KLF9: variants seen among roughly 807,000 people sequenced by gnomAD.
The protein encoded by KLF9 is Krueppel-like factor 9.
Under a neutral mutation model 17.3 loss-of-function variants are expected in KLF9, and 2 were observed. That is an observed-to-expected ratio of 0.12 (90% CI 0.05 to 0.36). The LOEUF (loss-of-function observed/expected upper bound fraction) is 0.36. KLF9 is among the 10% of genes least tolerant of loss of function. The probability of loss-of-function intolerance (pLI) is 1.00; values close to 1 mark genes in which losing one functional copy is unlikely to be tolerated. For missense variants in KLF9, 226 were observed against 333.2 expected, an observed-to-expected ratio of 0.68 and a Z score of 2.51; for synonymous variants, 138 against 139.2, an observed-to-expected ratio of 0.99 and a Z score of 0.06.
At position 70,412,928 on chromosome 9, in the gene KLF9, G is replaced by A. The variant is rs769096630; in HGVS notation, c.436C>T (p.Pro146Ser). ...TAGACTTTCCCACAGCCACTGTAGG[G>A]GCACTTGTGCCTCTTTTCGGAGGCG... is the stretch of plus-strand genomic sequence containing the variant. ...KHASEKRHKC[P>S]YSGCGKVYGK... The change falls in exon 1 of 2, where the codon CCC becomes TCC. Residue 146 changes from proline to serine, a missense_variant. By Grantham distance (74) the Pro-to-Ser change is moderately conservative (BLOSUM62 -1). Transcript: ENST00000377126. 3 of 1,613,970 alleles carry A rather than the reference G, an allele frequency of 1.9e-6. No homozygotes were observed. Among genetic ancestry groups the A allele is most frequent in the Non-Finnish European group, 2.5e-6 (3 of 1,179,934 alleles).
intron 1 of KLF9, among the ~76,000 whole-genome samples, chr9:70,409,939 C>T (rs2118929304): frequency 6.6e-6 from 1 of 152,320 alleles, no homozygotes; most frequent in Admixed American, 6.5e-5. Context: ...ACACAAACCA[C>T]AGGACCCAGC....
intron 1 of KLF9, among the ~76,000 whole-genome samples, chr9:70,395,684 C>G (rs975947146): frequency 1.3e-5 from 2 of 152,144 alleles, no homozygotes; most frequent in Non-Finnish European, 2.9e-5. Flanking sequence ...TGGTTCATGC[C>G]TGTAATCTCA....
intron 1 of KLF9, 56 bp downstream of exon 1, chr9:70,412,803 C>T: frequency 6.6e-7 from 1 of 1,510,386 alleles, no homozygotes; most frequent in South Asian, 1.3e-5. Context: ...AGGAACGCTG[C>T]CTGGCCAAAG....
intron 1 of KLF9, 66 bp downstream of exon 1, chr9:70,412,793 A>G: frequency 6.7e-7 from 1 of 1,486,020 alleles, no homozygotes; most frequent in East Asian, 2.3e-5. Flanking sequence ...CCGAACGCCC[A>G]GGAACGCTGC....
At chr9:70,394,658 C>A (rs2037172125) in intron 1 of KLF9, among the ~76,000 whole-genome samples, 1 of 135,882 alleles carries the variant, frequency 7.4e-6, no homozygotes, top group Admixed American at 7.5e-5. Flanking sequence ...GTTGACACAA[C>A]TTTCTCTTTG....
intron 1 of KLF9, among the ~76,000 whole-genome samples, chr9:70,409,111 T>TAC (rs1564089270): frequency 1.0e-5 from 1 of 96,834 alleles, no homozygotes; most frequent in African/African-American, 3.2e-5. Flanking sequence ...TGTGTATATA[T>TAC]ATACATATAT....
rs1205690074 is a variant in KLF9 at position 70,409,148 on chromosome 9, ATG to A, written c.505+3709_505+3710del. On this transcript the variant is annotated intron_variant, in intron 1 of 1. Transcript: ENST00000377126. ...TATATATGTATACATATATATGTATATGTATATATATACACATATATGTATAT... is the reference window on the plus strand; with the variant it reads ...TATATATGTATACATATATATGTATATATATATATACACATATATGTATAT... Among the ~76,000 whole-genome samples, 104 of 61,234 alleles carry A rather than the reference ATG, an allele frequency of 1.7e-3. 4 individuals carry two copies. Among genetic ancestry groups the A allele is most frequent in the African/African-American group, 3.8e-3 (98 of 25,484 alleles). The allele number at this position is 61,234 out of a possible 152,430, so 40.2% of individuals were successfully genotyped here. A position where few individuals can be genotyped will look rare whatever the true frequency, so the allele number is the denominator to read the frequency against.
rs2037122378 is a variant in KLF9 at position 70,387,562 on chromosome 9, A to G, written c.*214T>C. ...GACGGGTTCAGAGAGTTGCCTCTTC[A>G]AGGGGACCGAGTGTTGTTGACTTTG... On this transcript the variant is annotated 3_prime_UTR_variant, in exon 2 of 2. Coordinates refer to ENST00000377126, the MANE Select transcript of KLF9 (RefSeq NM_001206.4). 2 of 566,260 alleles carry G rather than the reference A, an allele frequency of 3.5e-6. No homozygotes were observed. Among genetic ancestry groups the G allele is most frequent in the East Asian group, 3.0e-5 (1 of 33,888 alleles). 35.1% of individuals were successfully genotyped at this position (566,260 alleles called of 1,614,324 possible).
At chr9:70,407,481 AAAC>A (rs1305229517) in intron 1 of KLF9, among the ~76,000 whole-genome samples, 2 of 152,234 alleles carry the variant, frequency 1.3e-5, no homozygotes, top group Non-Finnish European at 2.9e-5. Flanking sequence ...AAATCAAGGG[AAAC>A]AGTGTGCGTA....
intron 1 of KLF9, among the ~76,000 whole-genome samples, chr9:70,392,616 A>G (rs973938629): frequency 3.3e-5 from 5 of 152,222 alleles, no homozygotes; most frequent in African/African-American, 1.2e-4. Context: ...TGGGGAAGTC[A>G]CATGTAGACG....
chr9:70,401,216 T>C (rs2037218965), intron 1 of KLF9, among the ~76,000 whole-genome samples: 1 of 148,502 alleles, frequency 6.7e-6, no homozygotes, highest in Non-Finnish European at 1.5e-5. Context: ...GGCATGGTGG[T>C]GCGTGCCTGT....
At chr9:70,400,320 A>G (rs1267111015) in intron 1 of KLF9, among the ~76,000 whole-genome samples, 3 of 152,192 alleles carry the variant, frequency 2.0e-5, no homozygotes, top group Non-Finnish European at 4.4e-5. Context: ...GGACACAGGC[A>G]AGTGCATGAC....
intron 1 of KLF9, among the ~76,000 whole-genome samples, chr9:70,404,923 A>C (rs1051244029): frequency 2.6e-5 from 4 of 152,184 alleles, no homozygotes; most frequent in African/African-American, 7.2e-5. Flanking sequence ...AGAAGGACCC[A>C]AAAGCCTGTG....
At position 70,384,829 on chromosome 9, in the gene KLF9, T is replaced by C. The variant is rs112176515; in HGVS notation, c.*2947A>G. Reference sequence around the variant, plus strand: ...GAAAGAACATCTCAATCTATCCGAGTGATGAGTACTGTGCTAAATCTATCT... The same window carrying C: ...GAAAGAACATCTCAATCTATCCGAGCGATGAGTACTGTGCTAAATCTATCT... On this transcript the variant is annotated 3_prime_UTR_variant, in exon 2 of 2. Coordinates refer to ENST00000377126, the MANE Select transcript of KLF9 (RefSeq NM_001206.4). The C allele has an allele frequency of 1.3e-5, 2 of 152,708 alleles. No homozygotes were observed. The highest frequency in any genetic ancestry group is 2.9e-5 in the Non-Finnish European group (2 of 68,014). The allele number at this position is 152,708 out of a possible 1,614,324, so 9.5% of individuals were successfully genotyped here.
At chr9:70,411,823 T>C (rs941390348) in intron 1 of KLF9, among the ~76,000 whole-genome samples, 1 of 152,144 alleles carries the variant, frequency 6.6e-6, no homozygotes, top group Non-Finnish European at 1.5e-5. Context: ...AAGGCTTATC[T>C]GAGAGGACCA....
intron 1 of KLF9, among the ~76,000 whole-genome samples, chr9:70,397,909 A>T (rs544203903): frequency 6.6e-6 from 1 of 152,252 alleles, no homozygotes; most frequent in African/African-American, 2.4e-5. Context: ...CATTACCCTC[A>T]TGTGCAGAAC....
rs2037113056 is a variant in KLF9, at chr9:70,386,755, T to TGGA, written c.*1020_*1021insTCC. On this transcript the variant is annotated 3_prime_UTR_variant, in exon 2 of 2. Coordinates refer to ENST00000377126, the MANE Select transcript of KLF9 (RefSeq NM_001206.4). ...GCATAGGAAAATTTGGAAAAGTTAATAGAGTTAAAATTCTGTTGGTTCTTT... is the reference window on the plus strand; with the variant it reads ...GCATAGGAAAATTTGGAAAAGTTAATGGAAGAGTTAAAATTCTGTTGGTTCTTT... 1 of 152,358 alleles carries TGGA rather than the reference T, an allele frequency of 6.6e-6. No individual in the cohort carries two copies. The highest frequency in any genetic ancestry group is 1.5e-5 in the Non-Finnish European group (1 of 68,046). The allele number at this position is 152,358 out of a possible 1,614,324, so 9.4% of individuals were successfully genotyped here.
At chr9:70,388,455 G>A (rs969530708) in intron 1 of KLF9, among the ~76,000 whole-genome samples, 3 of 152,154 alleles carry the variant, frequency 2.0e-5, no homozygotes, top group Non-Finnish European at 2.9e-5. Context: ...CAGCCACCCA[G>A]TCTGTGGTTG....
chr9:70,404,521 C>T (rs1417026577), intron 1 of KLF9, among the ~76,000 whole-genome samples: 3 of 151,756 alleles, frequency 2.0e-5, no homozygotes, highest in Non-Finnish European at 2.9e-5. Context: ...GGGAAGTAGG[C>T]GGGGAGAGTG....
Sources: gnomAD v4.1 joint callset for allele counts (sites outside exome capture counted in the v4.1 genomes callset) on GRCh38, gnomAD v4.1.1 for gene constraint, MANE v1.5 for transcripts, NCBI Gene and HGNC (gene_info 2026-07-23, HGNC 2026-07-21) for gene names.